Variants in TENM4 observed in about 807,000 individuals in gnomAD.
The protein encoded by TENM4 is teneurin-4.
TENM4 carries 82 observed loss-of-function variants against 243.3 expected under a neutral mutation model. That is an observed-to-expected ratio of 0.34 (90% CI 0.28 to 0.40). The LOEUF (loss-of-function observed/expected upper bound fraction) is 0.40, where lower values mean the gene tolerates loss of function less well. Among genes scored for constraint, TENM4 ranks in the 10% least tolerant of loss-of-function variants. The pLI is 1.00. For synonymous variants in TENM4, 1,412 were observed against 1,456.3 expected (o/e 0.97, Z 0.69); for missense variants, 3,138 against 3,673.3 (o/e 0.85, Z 3.77).
intron 2 of TENM4, among the ~76,000 whole-genome samples, chr11:79,253,012 A>G (rs1855638897): frequency 6.6e-6 from 1 of 152,254 alleles, no homozygotes; most frequent in Non-Finnish European, 1.5e-5. Context: ...ATTCTGAGAT[A>G]GACATTGTTA....
At chr11:79,271,050 TTGATGACTTCTGAAGTCATTTTTCA>T (rs1338681743) in intron 2 of TENM4, among the ~76,000 whole-genome samples, 1 of 152,132 alleles carries the variant, frequency 6.6e-6, no homozygotes, top group Non-Finnish European at 1.5e-5. Context: ...GCTGGGGAAA[TTGATGACTTCTGAAGTCATTTTTCA>T]TGATGACTTC....
chr11:79,280,046 C>A (rs999586991), intron 2 of TENM4, among the ~76,000 whole-genome samples: 1 of 152,156 alleles, frequency 6.6e-6, no homozygotes, highest in South Asian at 2.1e-4. Context: ...GCAAAAAGTG[C>A]CATTTTGAAA....
intron 2 of TENM4, among the ~76,000 whole-genome samples, chr11:79,236,668 C>T (rs1238484973): frequency 1.3e-5 from 2 of 152,154 alleles, no homozygotes; most frequent in Non-Finnish European, 2.9e-5. Context: ...CAAATACAGG[C>T]TTTCTCAACA....
At chr11:79,377,522 A>G (rs900858568) in intron 1 of TENM4, among the ~76,000 whole-genome samples, 5 of 152,196 alleles carry the variant, frequency 3.3e-5, no homozygotes, top group African/African-American at 1.2e-4. Context: ...GGAGAGTAAC[A>G]GTTCGCACCT....
At chr11:79,209,503 C>G (rs77581191) in intron 3 of TENM4, among the ~76,000 whole-genome samples, 1,795 of 152,278 alleles carry the variant, frequency 0.012, 36 homozygotes, top group African/African-American at 0.041. Context: ...CTTCCCTAAG[C>G]CTATTCATGT....
chr11:79,348,865 C>T lies in TENM4; in HGVS notation c.-320-51322G>A, dbSNP rs550088694. 2.6e-3 allele frequency among the ~76,000 whole-genome samples: 391 copies of T among 152,304 alleles called. 1 individual carries two copies. The highest frequency in any genetic ancestry group is 4.4e-3 in the Non-Finnish European group (299 of 68,028). On this transcript the variant is annotated intron_variant, in intron 1 of 33. Transcript: ENST00000278550. The stretch of plus-strand genomic sequence containing the variant: ...AAAATGGGGATAATTATAATCCTAT[C>T]TTACAGATTTAAAATTAGGATTAGA...
At chr11:78,897,715 C>T (rs571058355) in intron 7 of TENM4, among the ~76,000 whole-genome samples, 70 of 152,338 alleles carry the variant, frequency 4.6e-4, no homozygotes, top group African/African-American at 1.5e-3. Context: ...GACTGAATCA[C>T]CAAATTACAA....
intron 6 of TENM4, among the ~76,000 whole-genome samples, chr11:78,994,506 C>T (rs565512710): frequency 7.9e-5 from 12 of 152,300 alleles, no homozygotes; most frequent in East Asian, 3.9e-4. Context: ...AAAGCTGGAA[C>T]GACCATGTAA....
intron 32 of TENM4, among the ~76,000 whole-genome samples, chr11:78,667,240 C>G (rs918813505): frequency 2.0e-5 from 3 of 152,134 alleles, no homozygotes; most frequent in Non-Finnish European, 2.9e-5. Context: ...CTTCCCTATG[C>G]TTGGGATGCT....
intron 3 of TENM4, among the ~76,000 whole-genome samples, chr11:79,199,471 T>C (rs953333939): frequency 2.0e-5 from 3 of 152,232 alleles, no homozygotes; most frequent in South Asian, 2.1e-4. Flanking sequence ...CATTACCTGA[T>C]ACGTGGTGAG....
intron 12 of TENM4, among the ~76,000 whole-genome samples, chr11:78,850,793 T>C (rs1858517491): frequency 6.6e-6 from 1 of 152,152 alleles, no homozygotes; most frequent in Non-Finnish European, 1.5e-5. Context: ...TATTTCTCTG[T>C]TTAATTTTCA....
chr11:79,309,120 T>C (rs570588404), intron 1 of TENM4, among the ~76,000 whole-genome samples: 1 of 152,196 alleles, frequency 6.6e-6, no homozygotes, highest in Admixed American at 6.5e-5. Context: ...CAGTGGAGGA[T>C]GGCGAGCCTA....
chr11:78,926,275 C>CTTTT (rs34301647), intron 6 of TENM4, among the ~76,000 whole-genome samples: 2 of 127,328 alleles, frequency 1.6e-5, no homozygotes, highest in Non-Finnish European at 3.3e-5. Context: ...AAAGAACTGA[C>CTTTT]TTTTTTTTTT....
At chr11:78,700,098 A>G (rs1200957192) in intron 28 of TENM4, among the ~76,000 whole-genome samples, 1 of 152,262 alleles carries the variant, frequency 6.6e-6, no homozygotes. Flanking sequence ...TATATTTAAA[A>G]ATCAACTACA....
At chr11:79,185,528 C>T (rs557395057) in intron 3 of TENM4, among the ~76,000 whole-genome samples, 8 of 152,122 alleles carry the variant, frequency 5.3e-5, no homozygotes, top group East Asian at 1.9e-4. Context: ...GTATCACCAG[C>T]GAATGGCATG....
intron 1 of TENM4, among the ~76,000 whole-genome samples, chr11:79,383,021 G>A (rs1363216807): frequency 6.6e-6 from 1 of 152,076 alleles, no homozygotes; most frequent in Non-Finnish European, 1.5e-5. Context: ...CCCTTCATGA[G>A]TGTGCTGTGG....
At chr11:78,890,090 G>A in intron 8 of TENM4, 70 bp from the exon 9 acceptor site, 4 of 1,261,700 alleles carry the variant, frequency 3.2e-6, no homozygotes, top group South Asian at 1.5e-5. Flanking sequence ...AAACCTGGAG[G>A]CCAGAGGCGG....
chr11:79,053,935 G>T (rs1281298342), intron 6 of TENM4, among the ~76,000 whole-genome samples: 1 of 152,156 alleles, frequency 6.6e-6, no homozygotes, highest in Non-Finnish European at 1.5e-5. Context: ...TTTGTGGTAA[G>T]GATCTATGGG....
chr11:78,748,544 G>A (rs1297354131), intron 19 of TENM4, among the ~76,000 whole-genome samples: 3 of 152,186 alleles, frequency 2.0e-5, no homozygotes, highest in African/African-American at 7.2e-5. Flanking sequence ...TGAAGATGCT[G>A]AGCAGGGAAC....
Sources: gnomAD v4.1 joint callset for allele counts (sites outside exome capture counted in the v4.1 genomes callset) on GRCh38, gnomAD v4.1.1 for gene constraint, MANE v1.5 for transcripts, NCBI Gene and HGNC (gene_info 2026-07-23, HGNC 2026-07-21) for gene names.